Variants in DOCK3 observed in about 807,000 individuals in gnomAD.
The protein encoded by DOCK3 is dedicator of cytokinesis protein 3.
Under a neutral mutation model 265.6 loss-of-function variants are expected in DOCK3, and 60 were observed. The observed-to-expected ratio is 0.23, with a 90% CI of 0.18 to 0.28. DOCK3 has a LOEUF of 0.28. Ranked by LOEUF, DOCK3 falls within the 10% of genes least tolerant of loss-of-function variation. DOCK3 has a pLI of 1.00. For missense variants in DOCK3, 1,981 were observed against 2,594.3 expected (o/e 0.76, Z 5.14); for synonymous variants, 881 against 938.0 (o/e 0.94, Z 1.11).
At chr3:50,687,140 C>G (rs1222425284) in intron 1 of DOCK3, among the ~76,000 whole-genome samples, 1 of 149,588 alleles carries the variant, frequency 6.7e-6, no homozygotes, top group South Asian at 2.1e-4. Flanking sequence ...CACTTGAACC[C>G]GGGAGGTGGA....
At chr3:50,713,112 A>C (rs1045960795) in intron 1 of DOCK3, among the ~76,000 whole-genome samples, 1 of 152,214 alleles carries the variant, frequency 6.6e-6, no homozygotes, top group Non-Finnish European at 1.5e-5. Context: ...GAGATGAGAA[A>C]GGAGGAACCA....
chr3:50,806,387 A>G (rs149885226), intron 2 of DOCK3, among the ~76,000 whole-genome samples: 3 of 151,994 alleles, frequency 2.0e-5, no homozygotes, highest in African/African-American at 7.2e-5. Flanking sequence ...TCAAGTCCTT[A>G]TTGGGAGCAT....
At chr3:51,071,049 T>C (rs2109336642) in intron 6 of DOCK3, among the ~76,000 whole-genome samples, 1 of 152,296 alleles carries the variant, frequency 6.6e-6, no homozygotes, top group South Asian at 2.1e-4. Context: ...GTATCCATTG[T>C]ATATAATTAA....
At chr3:51,368,005 T>G (rs1455078054) in intron 49 of DOCK3, among the ~76,000 whole-genome samples, 1 of 152,242 alleles carries the variant, frequency 6.6e-6, no homozygotes, top group Non-Finnish European at 1.5e-5. Context: ...CTTTGTGGTG[T>G]TCTCTGTATT....
chr3:51,363,234 C>T (rs930430865), intron 49 of DOCK3, among the ~76,000 whole-genome samples: 17 of 152,196 alleles, frequency 1.1e-4, no homozygotes, highest in African/African-American at 4.1e-4. Context: ...GCAGCATCTT[C>T]GCATCTTTTT....
At chr3:50,890,274 C>T (rs756737761) in intron 4 of DOCK3, among the ~76,000 whole-genome samples, 193 bp downstream of exon 4, 3 of 151,810 alleles carry the variant, frequency 2.0e-5, no homozygotes, top group Admixed American at 6.6e-5. Flanking sequence ...TTCTTGTATA[C>T]GGAAGAAATG....
intron 13 of DOCK3, among the ~76,000 whole-genome samples, chr3:51,209,427 A>G (rs1277517299): frequency 1.3e-5 from 2 of 152,148 alleles, no homozygotes; most frequent in Non-Finnish European, 2.9e-5. Flanking sequence ...AATAATTTCT[A>G]TATAATCTCA....
intron 1 of DOCK3, among the ~76,000 whole-genome samples, chr3:50,750,737 T>C (rs1424849509): frequency 6.6e-6 from 1 of 152,130 alleles, no homozygotes; most frequent in Non-Finnish European, 1.5e-5. Context: ...GCATTATTCA[T>C]GGCCAGTTTT....
At chr3:51,161,364 A>C (rs1372362334) in intron 12 of DOCK3, among the ~76,000 whole-genome samples, 1 of 151,918 alleles carries the variant, frequency 6.6e-6, no homozygotes, top group African/African-American at 2.4e-5. Context: ...GAATGGCGTG[A>C]ACCTGGGAGG....
chr3:51,160,007 A>G (rs1437133697), intron 11 of DOCK3, among the ~76,000 whole-genome samples: 1 of 152,222 alleles, frequency 6.6e-6, no homozygotes, highest in Non-Finnish European at 1.5e-5. Context: ...AGGTTCCAGC[A>G]TTTGCAAGTC....
At chr3:51,245,533 G>T (rs1006717838) in intron 21 of DOCK3, among the ~76,000 whole-genome samples, 1 of 151,504 alleles carries the variant, frequency 6.6e-6, no homozygotes, top group African/African-American at 2.4e-5. Context: ...CGGGATTATA[G>T]GCGCACACCA....
chr3:50,889,904 G>A (rs1662089830), intron 3 of DOCK3, 122 bp from the exon 4 acceptor site: 1 of 689,262 alleles, frequency 1.5e-6, no homozygotes, highest in Admixed American at 4.3e-5. Flanking sequence ...AATATGCAAA[G>A]TGGTTGCTGT....
chr3:50,688,892 TCA>T (rs1156955666), intron 1 of DOCK3, among the ~76,000 whole-genome samples: 3 of 152,240 alleles, frequency 2.0e-5, no homozygotes, highest in African/African-American at 7.2e-5. Context: ...TGTTTTTTAC[TCA>T]TTTTGCCTAG....
intron 1 of DOCK3, among the ~76,000 whole-genome samples, chr3:50,762,667 A>ATG (rs1240870999): frequency 1.3e-5 from 2 of 151,870 alleles, no homozygotes; most frequent in Non-Finnish European, 2.9e-5. Context: ...AGTAAGTGTG[A>ATG]TGTTACCTGT....
chr3:51,369,156 T>TTTGG (rs2110466771), intron 49 of DOCK3, among the ~76,000 whole-genome samples: 1 of 152,344 alleles, frequency 6.6e-6, no homozygotes, highest in South Asian at 2.1e-4. Flanking sequence ...ACGCAGCTCC[T>TTTGG]CGCCAGCAAT....
intron 2 of DOCK3, among the ~76,000 whole-genome samples, chr3:50,839,213 A>G (rs1256854400): frequency 6.6e-6 from 1 of 152,126 alleles, no homozygotes; most frequent in Non-Finnish European, 1.5e-5. Context: ...GATGTGCCAC[A>G]GTTTTATTCA....
chr3:50,876,282 A>C (rs752136397), intron 3 of DOCK3, among the ~76,000 whole-genome samples: 18 of 152,162 alleles, frequency 1.2e-4, no homozygotes, highest in Non-Finnish European at 1.9e-4. Context: ...CCTGTGTTTC[A>C]CTAAAACCAG....
intron 9 of DOCK3, among the ~76,000 whole-genome samples, chr3:51,144,405 G>C (rs749594277): frequency 6.6e-6 from 1 of 152,184 alleles, no homozygotes; most frequent in African/African-American, 2.4e-5. Flanking sequence ...CTTGGACCTT[G>C]TTGACCCCTC....
At chr3:50,940,076 A>AACACACATACACACACAAAC (rs1421955991) in intron 5 of DOCK3, among the ~76,000 whole-genome samples, 3 of 149,498 alleles carry the variant, frequency 2.0e-5, no homozygotes. Flanking sequence ...TACACACACA[A>AACACACATACACACACAAAC]ACACACACAC....
Sources: gnomAD v4.1 joint callset for allele counts (sites outside exome capture counted in the v4.1 genomes callset) on GRCh38, gnomAD v4.1.1 for gene constraint, MANE v1.5 for transcripts, NCBI Gene and HGNC (gene_info 2026-07-23, HGNC 2026-07-21) for gene names.